Variants in SPARCL1 observed in about 807,000 individuals in gnomAD.
SPARCL1 encodes SPARC-like protein 1.
In SPARCL1, 52 loss-of-function variants were observed where a neutral mutation model predicts 67.1. That is an observed-to-expected ratio of 0.78 (90% CI 0.62 to 0.98). The LOEUF is 0.98. Ranked by LOEUF, SPARCL1 falls within the 50% of genes least tolerant of loss-of-function variation. SPARCL1 has a pLI of 0.00. For missense variants in SPARCL1, 717 were observed against 782.4 expected, an observed-to-expected ratio of 0.92 and a Z score of 1.00; for synonymous variants, 226 against 267.8, an observed-to-expected ratio of 0.84 and a Z score of 1.52.
At chr4:87,481,513 C>G (rs1308894291) in intron 8 of SPARCL1, among the ~76,000 whole-genome samples, 1 of 152,180 alleles carries the variant, frequency 6.6e-6, no homozygotes, top group East Asian at 1.9e-4. Flanking sequence ...TGGAGCTTCC[C>G]TCCTGAAACA....
At chr4:87,482,303 G>A (rs1321223032) in intron 8 of SPARCL1, 121 bp downstream of exon 8, 10 of 1,014,986 alleles carry the variant, frequency 9.9e-6, no homozygotes, top group African/African-American at 3.2e-5. Context: ...TGGGCTAACC[G>A]GGCATGGGGA....
intron 1 of SPARCL1, among the ~76,000 whole-genome samples, chr4:87,526,096 A>G (rs1474101742): frequency 6.6e-6 from 1 of 152,178 alleles, no homozygotes; most frequent in Non-Finnish European, 1.5e-5. Context: ...TGGGCCAATA[A>G]AACAGAATTG....
At chr4:87,511,400 A>G (rs1386452314) in intron 1 of SPARCL1, among the ~76,000 whole-genome samples, 1 of 152,176 alleles carries the variant, frequency 6.6e-6, no homozygotes, top group East Asian at 1.9e-4. Context: ...ACGGTGGATT[A>G]GTTTTGGGCT....
Position 87,490,381 on chromosome 4 carries a change from C to T in SPARCL1, c.1423G>A (p.Asp475Asn). Residue 475 changes from aspartate (D) to asparagine (N), a missense_variant, in exon 7 of 11, where the codon GAC becomes AAC. Physicochemically the swap from Asp to Asn is conservative, Grantham distance 23. Coordinates refer to ENST00000282470, the MANE Select transcript of SPARCL1 (RefSeq NM_004684.6). ...CAGGAACTAGCATAGGTCTGATTGT[C>T]AGTGCCACAAACCTATGGAAGATAA... ...TKPLDQVCGT[D>N]NQTYASSCHL... 6.2e-7 allele frequency: 1 copy of T among 1,608,942 alleles called. No homozygotes were observed. Among genetic ancestry groups the T allele is most frequent in the Non-Finnish European group, 8.5e-7 (1 of 1,178,406 alleles).
intron 1 of SPARCL1, among the ~76,000 whole-genome samples, chr4:87,518,366 C>G (rs2110261588): frequency 6.6e-6 from 1 of 152,282 alleles, no homozygotes; most frequent in East Asian, 1.9e-4. Context: ...GAGGCTGAGG[C>G]AGGAGGATTG....
intron 7 of SPARCL1, among the ~76,000 whole-genome samples, chr4:87,486,302 T>C (rs190465561): frequency 7.9e-5 from 12 of 152,288 alleles, no homozygotes; most frequent in Non-Finnish European, 1.5e-4. Context: ...CTTCCTTATT[T>C]CTGCCTTAAT....
chr4:87,491,258 TA>T (rs55638164), intron 5 of SPARCL1, among the ~76,000 whole-genome samples: 39,504 of 152,036 alleles, frequency 0.26, 5,519 homozygotes, highest in South Asian at 0.48. Context: ...ATGTTTGTGA[TA>T]GGGGGAGGAA....
At chr4:87,522,473 A>T (rs1725857533) in intron 1 of SPARCL1, among the ~76,000 whole-genome samples, 1 of 151,884 alleles carries the variant, frequency 6.6e-6, no homozygotes, top group African/African-American at 2.4e-5. Flanking sequence ...GGAAGGGAGT[A>T]TTATGGAGAT....
intron 1 of SPARCL1, among the ~76,000 whole-genome samples, chr4:87,511,099 T>A (rs1158184525): frequency 6.6e-6 from 1 of 152,208 alleles, no homozygotes; most frequent in Non-Finnish European, 1.5e-5. Flanking sequence ...GAAAATATCC[T>A]GCATCAAAAT....
chr4:87,475,085 G>C (rs979807872), intron 10 of SPARCL1, among the ~76,000 whole-genome samples: 5 of 152,250 alleles, frequency 3.3e-5, no homozygotes, highest in African/African-American at 1.2e-4. Flanking sequence ...TGAAAGGAGT[G>C]CTCAAATCTC....
At chr4:87,486,863 T>C (rs1724080039) in intron 7 of SPARCL1, among the ~76,000 whole-genome samples, 2 of 150,260 alleles carry the variant, frequency 1.3e-5, no homozygotes, top group South Asian at 4.2e-4. Context: ...GCCTGTTTTA[T>C]CTGAGGCTAG....
Position 87,520,901 on chromosome 4 carries a change from G to A in SPARCL1, c.-12+8144C>T, listed in dbSNP as rs561719762. Among the ~76,000 whole-genome samples the A allele has an allele frequency of 5.5e-4, 83 of 152,204 alleles. 1 individual carries two copies. The South Asian group carries it at 0.016, about 30-fold the overall frequency. On this transcript the variant is annotated intron_variant, in intron 1 of 10. Transcript: ENST00000282470. ...GCTATGTGTGTAATAGCTAAATATC[G>A]CTCCTGAAATTTGTATCTCCTAGAA...
intron 1 of SPARCL1, among the ~76,000 whole-genome samples, chr4:87,525,045 C>A (rs1725984177): frequency 6.6e-6 from 1 of 151,866 alleles, no homozygotes; most frequent in Non-Finnish European, 1.5e-5. Context: ...TGCCTGTAGT[C>A]CCAGCTACTC....
intron 1 of SPARCL1, among the ~76,000 whole-genome samples, chr4:87,520,477 C>T (rs979766333): frequency 3.9e-5 from 6 of 152,058 alleles, no homozygotes; most frequent in Admixed American, 6.6e-5. Context: ...GATATGAAAA[C>T]GTTTTTCCTT....
intron 1 of SPARCL1, among the ~76,000 whole-genome samples, chr4:87,518,676 T>C (rs1462019888): frequency 1.3e-5 from 2 of 152,220 alleles, no homozygotes; most frequent in Non-Finnish European, 2.9e-5. Context: ...CCCCATATTT[T>C]AGGAAATTAT....
intron 7 of SPARCL1, among the ~76,000 whole-genome samples, chr4:87,489,495 T>C (rs1463321835): frequency 6.6e-6 from 1 of 152,202 alleles, no homozygotes; most frequent in African/African-American, 2.4e-5. Flanking sequence ...TGCGTTGATC[T>C]CACTGGGAGC....
chr4:87,500,587 TTTAAA>T (rs1724802502), intron 1 of SPARCL1, among the ~76,000 whole-genome samples: 1 of 152,184 alleles, frequency 6.6e-6, no homozygotes, highest in Admixed American at 6.5e-5. Context: ...AGATGACTCC[TTTAAA>T]TTATTTTTTG....
intron 1 of SPARCL1, among the ~76,000 whole-genome samples, chr4:87,522,826 T>C (rs1725881014): frequency 6.6e-6 from 1 of 152,208 alleles, no homozygotes; most frequent in Non-Finnish European, 1.5e-5. Context: ...TATCATTATA[T>C]ATGGCATGTG....
In SPARCL1 at chr4:87,508,360, T is replaced by G. The variant is rs1254049385; in HGVS notation, c.-11-8775A>C. ...ACAGGTGATTGCCACCACACTTGGGTAATTAATTTTTTTTTTTTCTGTAGA... is the reference window on the plus strand; with the variant it reads ...ACAGGTGATTGCCACCACACTTGGGGAATTAATTTTTTTTTTTTCTGTAGA... On this transcript the variant is annotated intron_variant, in intron 1 of 10. Coordinates refer to ENST00000282470, the MANE Select transcript of SPARCL1 (RefSeq NM_004684.6). Among the ~76,000 whole-genome samples, 3 of 149,790 alleles carry G rather than the reference T, an allele frequency of 2.0e-5. No homozygotes were observed. The East Asian group carries it at 6.0e-4, about 30-fold the overall frequency.
Sources: gnomAD v4.1 joint callset for allele counts (sites outside exome capture counted in the v4.1 genomes callset) on GRCh38, gnomAD v4.1.1 for gene constraint, MANE v1.5 for transcripts, NCBI Gene and HGNC (gene_info 2026-07-23, HGNC 2026-07-21) for gene names.